Variants in KCNH2 observed in about 807,000 individuals in gnomAD.
KCNH2 encodes potassium voltage-gated channel subfamily H member 2.
KCNH2 carries 35 observed loss-of-function variants against 95.9 expected under a neutral mutation model. The ratio of observed to expected loss-of-function variants is 0.37; its 90% CI spans 0.28 to 0.48. The LOEUF (loss-of-function observed/expected upper bound fraction) is 0.48, where lower values mean the gene tolerates loss of function less well. Ranked by LOEUF, KCNH2 falls within the 20% of genes least tolerant of loss-of-function variation. KCNH2 has a pLI of 0.99. For synonymous variants in KCNH2, 786 were observed against 754.7 expected (o/e 1.04, Z -0.68); for missense variants, 1,274 against 1,702.9 (o/e 0.75, Z 4.43).
intron 2 of KCNH2, among the ~76,000 whole-genome samples, chr7:150,971,490 C>T (rs952902660): frequency 1.4e-4 from 22 of 152,106 alleles, no homozygotes; most frequent in African/African-American, 4.3e-4. Flanking sequence ...TCCCCACCCA[C>T]GCACAAGCTC....
chr7:150,951,685 C>T lies in KCNH2; in HGVS notation c.1708G>A (p.Ala570Thr), dbSNP rs1727086844. The change falls in exon 7 of 15, where the codon GCC becomes ACC. Residue 570 changes from alanine (A) to threonine (T), a missense_variant. By Grantham distance (58) the Ala-to-Thr change is moderately conservative. Transcript: ENST00000262186. ...IAHWLACIWYAIGNMEQPHMD... is the reference protein window; with the variant it reads ...IAHWLACIWYTIGNMEQPHMD... ...TGTGGCTGCTCCATGTTGCCGATGG[C>T]GTACCAGATGCAGGCTAGCCAGTGC... 1.9e-6 allele frequency: 3 copies of T among 1,614,176 alleles called. No individual in the cohort carries two copies. Among genetic ancestry groups the T allele is most frequent in the South Asian group, 1.1e-5 (1 of 91,090 alleles).
rs1161915877 is a variant in KCNH2 at position 150,945,545 on chromosome 7, A to G, written c.3331-31T>C. 1.9e-6 allele frequency: 3 copies of G among 1,554,446 alleles called. No individual in the cohort carries two copies. The South Asian group carries it at 3.6e-5, about 18-fold the overall frequency. On this transcript the variant is annotated intron_variant, in intron 14 of 14. Coordinates refer to ENST00000262186, the MANE Select transcript of KCNH2 (RefSeq NM_000238.4). The surrounding 1 kb of genome is among the most constrained non-coding windows in gnomAD (Gnocchi z 5.6). The stretch of plus-strand genomic sequence containing the variant: ...ATACACACAGAGCATGGGCAGGCGA[A>G]GAGGCCATGGAGGAGGAGGAAGGGG...
At chr7:150,970,192 C>T (rs1801803170) in intron 2 of KCNH2, among the ~76,000 whole-genome samples, 1 of 152,062 alleles carries the variant, frequency 6.6e-6, no homozygotes, top group Non-Finnish European at 1.5e-5. Context: ...ATGTGAAGGG[C>T]TTTCTTGGAA....
rs1563144769 is a variant in KCNH2 at position 150,947,022 on chromosome 7, G to GA, written c.3184_3185insT (p.Thr1062IlefsTer57). 6.2e-7 allele frequency: 1 copy of GA among 1,609,560 alleles called. No individual in the cohort carries two copies. On this transcript the variant is annotated frameshift_variant, in exon 14 of 15. Transcript: ENST00000262186. LOFTEE classifies it high-confidence loss of function. ...CTGCCTCTGTAGCAGCTGCAGGACA[G>GA]TGGCCATGTCTGCACTCAGCCGGGT...
At chr7:150,964,987 TA>T (rs1428321391) in intron 2 of KCNH2, among the ~76,000 whole-genome samples, 1 of 151,898 alleles carries the variant, frequency 6.6e-6, no homozygotes, top group African/African-American at 2.4e-5. Flanking sequence ...GGGACAGAGT[TA>T]GGGAGCCCAA....
intron 2 of KCNH2, among the ~76,000 whole-genome samples, chr7:150,974,176 C>T (rs1167131786): frequency 6.6e-6 from 1 of 152,160 alleles, no homozygotes; most frequent in Admixed American, 6.5e-5. Context: ...CACGCACCTC[C>T]CCCAGGTGCT....
chr7:150,946,978 C>A lies in KCNH2; in HGVS notation c.3229G>T (p.Ala1077Ser). The change falls in exon 14 of 15, where the codon GCC becomes TCC. Residue 1077 changes from alanine to serine, a missense_variant. Around this residue, in one of 7 missense-constraint regions of KCNH2, gnomAD observed 457 missense variants for 416.1 expected, o/e 1.10. Coordinates refer to ENST00000262186, the MANE Select transcript of KCNH2 (RefSeq NM_000238.4). This position sits in a 1 kb window ranked among gnomAD's most constrained non-coding sequence, Gnocchi z 6.5. ...LQRQMTLVPP[A>S]YSAVTTPGPG... ...CCCGGGGTGGTCACAGCACTGTAGG[C>A]GGGCGGGACCAGCGTCATCTGCCTC... The A allele has an allele frequency of 1.2e-6, 2 of 1,609,744 alleles. No homozygotes were observed. Among genetic ancestry groups the A allele is most frequent in the Middle Eastern group, 1.7e-4 (1 of 6,008 alleles).
intron 2 of KCNH2, among the ~76,000 whole-genome samples, chr7:150,973,342 C>A (rs1379632443): frequency 6.6e-6 from 1 of 152,220 alleles, no homozygotes; most frequent in Non-Finnish European, 1.5e-5. Flanking sequence ...CCGTTCCCAA[C>A]TGCTATTTTC....
At chr7:150,974,673 C>G in intron 2 of KCNH2, 38 bp downstream of exon 2, 1 of 1,523,528 alleles carries the variant, frequency 6.6e-7, no homozygotes, top group Non-Finnish European at 8.9e-7. Context: ...CCTCTTGACC[C>G]CGCCCCTGGT....
Position 150,952,667 on chromosome 7 carries a change from C to T in KCNH2, c.1315G>A (p.Gly439Ser). 1 of 1,614,210 alleles carries T rather than the reference C, an allele frequency of 6.2e-7. No homozygotes were observed. Among genetic ancestry groups the T allele is most frequent in the Non-Finnish European group, 8.5e-7 (1 of 1,180,030 alleles). The change falls in exon 6 of 15, where the codon GGC becomes AGC. Residue 439 changes from glycine (G) to serine (S), a missense_variant. By Grantham distance (56) the Gly-to-Ser change is moderately conservative. This residue lies in a region of KCNH2 where 147 missense variants were observed against 344.4 expected (regional missense o/e 0.43). Coordinates refer to ENST00000262186, the MANE Select transcript of KCNH2 (RefSeq NM_000238.4). The surrounding 1 kb of genome is among the most constrained non-coding windows in gnomAD (Gnocchi z 7.3). ...TAGCCACACTCGGTAGCAGGCGGGC[C>T]TTCTTCCGTCTCCTTCAGCAGGAAG... is the stretch of plus-strand genomic sequence containing the variant. ...AAFLLKETEEGPPATECGYAC... is the reference protein window; with the variant it reads ...AAFLLKETEESPPATECGYAC...
In KCNH2 at chr7:150,959,273, C is replaced by T. The variant is rs554372972; in HGVS notation, c.472+299G>A. On this transcript the variant is annotated intron_variant, in intron 3 of 14. Coordinates refer to ENST00000262186, the MANE Select transcript of KCNH2 (RefSeq NM_000238.4). Reference sequence around the variant, plus strand: ...GCTCAAGCCAGGCTGGAGAGAGGACCGCTCCCAGGGGATGCTGGGATGGGA... The same window carrying T: ...GCTCAAGCCAGGCTGGAGAGAGGACTGCTCCCAGGGGATGCTGGGATGGGA... 3.3e-5 allele frequency among the ~76,000 whole-genome samples: 5 copies of T among 152,246 alleles called. No individual in the cohort carries two copies. The South Asian group carries it at 8.3e-4, about 25-fold the overall frequency.
At chr7:150,974,646 CTCG>C in intron 2 of KCNH2, 62 bp downstream of exon 2, 1 of 1,312,388 alleles carries the variant, frequency 7.6e-7, no homozygotes, top group Non-Finnish European at 1.1e-6. Flanking sequence ...CACCCTGCCC[CTCG>C]CCGTGGTCCC....
At chr7:150,955,365 G>A (rs1167072208) in intron 5 of KCNH2, 9 of 1,546,952 alleles carry the variant, frequency 5.8e-6, no homozygotes, top group Non-Finnish European at 7.9e-6. Context: ...GCCGGCCCCA[G>A]AAAGAAGAGG....
At chr7:150,955,320 G>T in intron 5 of KCNH2, 2 of 1,418,898 alleles carry the variant, frequency 1.4e-6, no homozygotes, top group Non-Finnish European at 1.9e-6. Flanking sequence ...CCAGCCTGGA[G>T]TCAGAGCCCT....
rs1371884635 is a variant in KCNH2, at chr7:150,962,154, C to A, written c.308-2418G>T. On this transcript the variant is annotated intron_variant, in intron 2 of 14. Coordinates refer to ENST00000262186, the MANE Select transcript of KCNH2 (RefSeq NM_000238.4). The surrounding 1 kb of genome is among the most constrained non-coding windows in gnomAD (Gnocchi z 5.7). ...GGCCCAGCTGGAGACCATTTGGCAC[C>A]CAGACAGCCTGCCTGGAGTTTATGC... Among the ~76,000 whole-genome samples, 5 of 152,324 alleles carry A rather than the reference C, an allele frequency of 3.3e-5. No individual in the cohort carries two copies. In the East Asian group the frequency reaches 9.7e-4, roughly 29 times the overall value.
At chr7:150,949,660 G>A in intron 9 of KCNH2, 1 of 1,130,730 alleles carries the variant, frequency 8.8e-7, no homozygotes, top group Admixed American at 4.4e-5. Flanking sequence ...AGGGCCGAGG[G>A]AAGGACAGGC....
chr7:150,959,454 A>AC lies in KCNH2; in HGVS notation c.472+117dup, dbSNP rs60930392. On this transcript the variant is annotated intron_variant, in intron 3 of 14. Coordinates refer to ENST00000262186, the MANE Select transcript of KCNH2 (RefSeq NM_000238.4). ...TTCACTTCCCACCTCCAAAGGGGGGACCCCCCACCCAACCATTACATCCTC... is the reference window on the plus strand; with the variant it reads ...TTCACTTCCCACCTCCAAAGGGGGGACCCCCCCACCCAACCATTACATCCTC... The AC allele has an allele frequency of 2.0e-3, 2,552 of 1,259,702 alleles. 38 individuals are homozygous for AC. In the African/African-American group the frequency reaches 0.033, roughly 16 times the overall value. The allele number at this position is 1,259,702 out of a possible 1,614,324, so 78.0% of individuals were successfully genotyped here.
chr7:150,951,876 G>T, intron 6 of KCNH2, 41 bp from the exon 7 acceptor site: 1 of 1,524,462 alleles, frequency 6.6e-7, no homozygotes, highest in South Asian at 1.3e-5. Context: ...GATGGGGCAA[G>T]GGGGGCAAGG....
At position 150,962,528 on chromosome 7, in the gene KCNH2, C is replaced by A. The variant is rs1272060107; in HGVS notation, c.308-2792G>T. 6.6e-6 allele frequency among the ~76,000 whole-genome samples: 1 copy of A among 152,002 alleles called. No homozygotes were observed. Among genetic ancestry groups the A allele is most frequent in the East Asian group, 1.9e-4 (1 of 5,180 alleles). On this transcript the variant is annotated intron_variant, in intron 2 of 14. Transcript: ENST00000262186. The surrounding 1 kb of genome is among the most constrained non-coding windows in gnomAD (Gnocchi z 5.7). Reference sequence around the variant, plus strand: ...TCTGAAGCCCACCCAGTCCAGGACCCCACATCTCAAAATCCCCTGCCAGGG... The same window carrying A: ...TCTGAAGCCCACCCAGTCCAGGACCACACATCTCAAAATCCCCTGCCAGGG...
Sources: gnomAD v4.1 joint callset for allele counts (sites outside exome capture counted in the v4.1 genomes callset) on GRCh38, gnomAD v4.1.1 for gene constraint, gnomAD v4.1.1 regional missense constraint, Gnocchi (gnomAD v3.1) non-coding constraint, MANE v1.5 for transcripts, NCBI Gene and HGNC (gene_info 2026-07-23, HGNC 2026-07-21) for gene names.